Variants in KCNN2 observed in about 807,000 individuals in gnomAD.
KCNN2 encodes potassium calcium-activated channel subfamily N member 2.
In KCNN2, 24 loss-of-function variants were observed where a neutral mutation model predicts 55.5. The ratio of observed to expected loss-of-function variants is 0.43; its 90% CI spans 0.31 to 0.61. The LOEUF is 0.61. Among genes scored for constraint, KCNN2 ranks in the 20% least tolerant of loss-of-function variants. The probability of loss-of-function intolerance (pLI) is 0.08; values close to 1 mark genes in which losing one functional copy is unlikely to be tolerated. For synonymous variants in KCNN2, 431 were observed against 336.1 expected (o/e 1.28, Z -3.09); for missense variants, 754 against 853.6 (o/e 0.88, Z 1.45).
At chr5:114,144,630 A>G (rs1313069061) in intron 1 of KCNN2, among the ~76,000 whole-genome samples, 1 of 152,244 alleles carries the variant, frequency 6.6e-6, no homozygotes, top group African/African-American at 2.4e-5. Context: ...TGATTAAAGG[A>G]TGAGTCAATA....
At chr5:114,085,053 C>CAT (rs57320559) in intron 1 of KCNN2, among the ~76,000 whole-genome samples, 37,878 of 149,732 alleles carry the variant, frequency 0.25, 4,881 homozygotes, top group Middle Eastern at 0.28. Flanking sequence ...TATATAGAGA[C>CAT]ATATATATAT....
intron 1 of KCNN2, among the ~76,000 whole-genome samples, chr5:114,216,711 A>C (rs543247499): frequency 6.6e-6 from 1 of 152,240 alleles, no homozygotes; most frequent in East Asian, 1.9e-4. Context: ...ATCAGAAACA[A>C]AGCAAGAATG....
chr5:114,204,879 T>C (rs1437326411), intron 1 of KCNN2, among the ~76,000 whole-genome samples: 2 of 152,226 alleles, frequency 1.3e-5, no homozygotes, highest in Non-Finnish European at 2.9e-5. Context: ...CATGTCCTTA[T>C]TAATACAATT....
chr5:114,429,873 T>G (rs1026025899), intron 3 of KCNN2, among the ~76,000 whole-genome samples: 1 of 147,206 alleles, frequency 6.8e-6, no homozygotes, highest in African/African-American at 2.5e-5. Context: ...TCTAGCATCA[T>G]TTGTGGAAAA....
intron 1 of KCNN2, among the ~76,000 whole-genome samples, chr5:114,219,173 A>G (rs1360699062): frequency 6.6e-6 from 1 of 152,214 alleles, no homozygotes; most frequent in African/African-American, 2.4e-5. Context: ...TTGAAGCCCC[A>G]GAGGGCATGT....
chr5:114,325,808 C>T (rs1756703928), intron 2 of KCNN2, among the ~76,000 whole-genome samples: 2 of 152,192 alleles, frequency 1.3e-5, no homozygotes, highest in Admixed American at 1.3e-4. Context: ...ACTGGAACTG[C>T]ATCTCATCTG....
intron 3 of KCNN2, among the ~76,000 whole-genome samples, chr5:114,452,810 C>T (rs1172073351): frequency 6.6e-6 from 1 of 152,208 alleles, no homozygotes; most frequent in Non-Finnish European, 1.5e-5. Context: ...GACACGTTAG[C>T]TCTTTCTTCT....
chr5:114,232,417 A>G (rs1054701485), intron 2 of KCNN2, among the ~76,000 whole-genome samples: 1 of 151,142 alleles, frequency 6.6e-6, no homozygotes, highest in African/African-American at 2.5e-5. Flanking sequence ...TAAAAACTAA[A>G]TAATCACTGG....
chr5:114,341,440 T>C (rs1051723437), intron 2 of KCNN2, among the ~76,000 whole-genome samples: 12 of 152,194 alleles, frequency 7.9e-5, no homozygotes, highest in Admixed American at 7.9e-4. Flanking sequence ...AATGAAATTA[T>C]AAATTCATTT....
chr5:114,263,632 T>G (rs1755154821), intron 2 of KCNN2, among the ~76,000 whole-genome samples: 2 of 152,158 alleles, frequency 1.3e-5, no homozygotes, highest in Admixed American at 1.3e-4. Context: ...ACAAGGTAAC[T>G]CTATTTCTGT....
intron 3 of KCNN2, among the ~76,000 whole-genome samples, chr5:114,437,231 C>A (rs2150091681): frequency 6.6e-6 from 1 of 152,112 alleles, no homozygotes; most frequent in Non-Finnish European, 1.5e-5. Flanking sequence ...ATTTGGTACA[C>A]AGAATTAAAT....
At chr5:114,396,035 G>A (rs1259847440) in intron 2 of KCNN2, among the ~76,000 whole-genome samples, 1 of 152,152 alleles carries the variant, frequency 6.6e-6, no homozygotes, top group Non-Finnish European at 1.5e-5. Context: ...TGGCCAAAAT[G>A]AAACCTTTTA....
chr5:114,285,033 A>G (rs1394253031), intron 2 of KCNN2, among the ~76,000 whole-genome samples: 2 of 151,606 alleles, frequency 1.3e-5, no homozygotes, highest in South Asian at 2.1e-4. Context: ...CTGTAATCCC[A>G]GGACTTTGGG....
At chr5:114,202,932 A>G (rs566589356) in intron 1 of KCNN2, among the ~76,000 whole-genome samples, 12 of 152,282 alleles carry the variant, frequency 7.9e-5, no homozygotes, top group African/African-American at 2.9e-4. Flanking sequence ...TTGTATATCA[A>G]ATAAGAAAGA....
intron 5 of KCNN2, among the ~76,000 whole-genome samples, chr5:114,474,441 C>T (rs1761883196): frequency 6.6e-6 from 1 of 152,128 alleles, no homozygotes; most frequent in Admixed American, 6.6e-5. Context: ...TTCTACTCTC[C>T]ATGACTTACT....
At chr5:114,179,882 C>G (rs1753206399) in intron 1 of KCNN2, among the ~76,000 whole-genome samples, 1 of 152,180 alleles carries the variant, frequency 6.6e-6, no homozygotes, top group African/African-American at 2.4e-5. Flanking sequence ...TGGATATTAT[C>G]TTCAAGAAGC....
chr5:114,344,285 T>C (rs1348214742), intron 2 of KCNN2, among the ~76,000 whole-genome samples: 1 of 152,106 alleles, frequency 6.6e-6, no homozygotes, highest in Admixed American at 6.5e-5. Context: ...AAACCATCCT[T>C]AGGTTCAATA....
chr5:114,120,972 C>T (rs1005529032), intron 1 of KCNN2, among the ~76,000 whole-genome samples: 3 of 152,186 alleles, frequency 2.0e-5, no homozygotes, highest in African/African-American at 7.2e-5. Context: ...GGCCTCTGCC[C>T]CAGGCCTTAT....
intron 1 of KCNN2, among the ~76,000 whole-genome samples, chr5:114,125,131 A>T (rs999163922): frequency 6.6e-6 from 1 of 152,206 alleles, no homozygotes; most frequent in East Asian, 1.9e-4. Context: ...TATTGGAGAA[A>T]TCGTGTTATA....
Sources: allele counts gnomAD v4.1 joint callset (sites outside exome capture counted in the v4.1 genomes callset), GRCh38; gene constraint gnomAD v4.1.1; transcripts MANE v1.5; gene names NCBI Gene and HGNC (gene_info 2026-07-23, HGNC 2026-07-21).